The following PDE10A variants were observed in gnomAD, a reference collection of about 807,000 sequenced individuals.
The protein encoded by PDE10A is phosphodiesterase 10A.
PDE10A carries 39 observed loss-of-function variants against 97.7 expected under a neutral mutation model. The ratio of observed to expected loss-of-function variants is 0.40; its 90% CI spans 0.31 to 0.52. The LOEUF (loss-of-function observed/expected upper bound fraction) is 0.52. Ranked by LOEUF, PDE10A falls within the 20% of genes least tolerant of loss-of-function variation. The pLI, the probability that PDE10A is intolerant of heterozygous loss-of-function variation, is 0.56. For synonymous variants in PDE10A, 371 were observed against 376.8 expected, an observed-to-expected ratio of 0.98 and a Z score of 0.18; for missense variants, 731 against 1,047.8, an observed-to-expected ratio of 0.70 and a Z score of 4.17.
chr6:165,851,761 A>T (rs1460322688), intron 1 of PDE10A, among the ~76,000 whole-genome samples: 7 of 152,116 alleles, frequency 4.6e-5, no homozygotes, highest in Admixed American at 4.6e-4. Context: ...GATGTCCTGG[A>T]TGTATTCTGA....
intron 1 of PDE10A, among the ~76,000 whole-genome samples, chr6:165,570,283 C>T (rs543987182): frequency 2.6e-5 from 4 of 152,180 alleles, no homozygotes; most frequent in African/African-American, 9.6e-5. Context: ...AAATAATAAG[C>T]ATACAAAAAC....
chr6:165,968,494 G>A (rs1379904222), intron 1 of PDE10A, among the ~76,000 whole-genome samples: 3 of 152,060 alleles, frequency 2.0e-5, no homozygotes, highest in African/African-American at 7.2e-5. Flanking sequence ...TTTTCAACAC[G>A]CTAATTTTCT....
exon 1 of PDE10A, chr6:165,987,892 A>G (rs1030923705): frequency 1.3e-4 from 47 of 373,326 alleles, no homozygotes; most frequent in African/African-American, 1.0e-3. Context: ...CATGAAGACC[A>G]GTCCATCTCA....
intron 1 of PDE10A, among the ~76,000 whole-genome samples, chr6:165,798,563 A>G (rs937434920): frequency 6.6e-6 from 1 of 152,232 alleles, no homozygotes; most frequent in Non-Finnish European, 1.5e-5. Flanking sequence ...CGGTACCTAA[A>G]GGCAGGAGTA....
chr6:165,608,736 A>G (rs1195358351), intron 1 of PDE10A, among the ~76,000 whole-genome samples: 1 of 152,164 alleles, frequency 6.6e-6, no homozygotes, highest in Non-Finnish European at 1.5e-5. Context: ...CAACAGTGTA[A>G]AAGTGTTCCT....
At chr6:165,681,859 AT>A (rs1481907535) in intron 1 of PDE10A, among the ~76,000 whole-genome samples, 1 of 152,182 alleles carries the variant, frequency 6.6e-6, no homozygotes, top group Non-Finnish European at 1.5e-5. Flanking sequence ...GCTCACTGAG[AT>A]TCTAAGCCAA....
intron 1 of PDE10A, among the ~76,000 whole-genome samples, chr6:165,892,470 C>A (rs1183527387): frequency 1.3e-5 from 2 of 152,212 alleles, no homozygotes; most frequent in African/African-American, 4.8e-5. Flanking sequence ...GCCTGGCCAC[C>A]ATGTGTGAGC....
At chr6:165,854,392 C>A (rs73033995) in intron 1 of PDE10A, among the ~76,000 whole-genome samples, 1 of 152,056 alleles carries the variant, frequency 6.6e-6, no homozygotes, top group Admixed American at 6.5e-5. Context: ...GGAGAGAAAG[C>A]CAAGACCAGG....
intron 1 of PDE10A, among the ~76,000 whole-genome samples, chr6:165,826,123 A>G (rs140530681): frequency 6.6e-6 from 1 of 152,274 alleles, no homozygotes; most frequent in African/African-American, 2.4e-5. Context: ...CTTTTCTCCT[A>G]ACCTTGTCTG....
chr6:165,540,173 C>T (rs1317080582), intron 2 of PDE10A, among the ~76,000 whole-genome samples: 3 of 152,124 alleles, frequency 2.0e-5, no homozygotes, highest in African/African-American at 4.8e-5. Flanking sequence ...GATCTCATAG[C>T]GAGCGTCTCA....
intron 1 of PDE10A, among the ~76,000 whole-genome samples, chr6:165,676,525 G>T (rs1168510083): frequency 6.6e-6 from 1 of 152,134 alleles, no homozygotes; most frequent in Non-Finnish European, 1.5e-5. Context: ...TCATTGAGAA[G>T]CTGATGTGTG....
At position 165,343,421 on chromosome 6, in the gene PDE10A, T is replaced by G; in HGVS notation, c.2865A>C (p.Ala955=). The G allele has an allele frequency of 6.2e-7, 1 of 1,613,906 alleles. No individual in the cohort carries two copies. The highest frequency in any genetic ancestry group is 1.1e-5 in the South Asian group (1 of 91,080). The change falls in exon 19 of 22, where the codon GCA becomes GCC. Residue 955 remains alanine (A), a synonymous_variant. Coordinates refer to ENST00000539869, the MANE Select transcript of PDE10A (RefSeq NM_001385079.1). ...CCCAGAATTCTGCATATATATCATT[T>G]GCCGTCAATTTTGTAACGGGCCACA... ...TKLWPVTKLT[A]NDIYAEFWAE...
intron 1 of PDE10A, among the ~76,000 whole-genome samples, chr6:165,567,312 C>T (rs1784822843): frequency 6.6e-6 from 1 of 152,114 alleles, no homozygotes; most frequent in Admixed American, 6.6e-5. Context: ...ACAAGAGGGG[C>T]TTTCAGTATT....
chr6:165,642,296 T>G (rs1036639907), intron 1 of PDE10A, among the ~76,000 whole-genome samples: 2 of 152,140 alleles, frequency 1.3e-5, no homozygotes, highest in African/African-American at 2.4e-5. Context: ...TGCATATGTG[T>G]CTAGCATGAT....
At chr6:165,480,727 G>T (rs1477699936) in intron 3 of PDE10A, among the ~76,000 whole-genome samples, 1 of 152,182 alleles carries the variant, frequency 6.6e-6, no homozygotes, top group Non-Finnish European at 1.5e-5. Context: ...TAGAGCAGAA[G>T]CCCTCTGGCC....
intron 15 of PDE10A, 105 bp from the exon 16 acceptor site, chr6:165,392,901 G>T: frequency 1.0e-6 from 1 of 984,452 alleles, no homozygotes; most frequent in Non-Finnish European, 1.5e-6. Flanking sequence ...TTATACATTT[G>T]CAACTCTAAA....
intron 1 of PDE10A, among the ~76,000 whole-genome samples, chr6:165,881,639 G>A (rs1392540431): frequency 2.0e-5 from 3 of 149,282 alleles, no homozygotes; most frequent in Admixed American, 6.7e-5. Flanking sequence ...TCTTGACCTC[G>A]TGATCCGCCT....
intron 3 of PDE10A, among the ~76,000 whole-genome samples, chr6:165,467,945 C>T (rs1778755294): frequency 6.6e-6 from 1 of 152,220 alleles, no homozygotes; most frequent in African/African-American, 2.4e-5. Flanking sequence ...CCACCCCAAC[C>T]TTCAGCAACC....
intron 12 of PDE10A, among the ~76,000 whole-genome samples, 155 bp downstream of exon 12, chr6:165,416,034 A>T (rs1343070095): frequency 6.6e-6 from 1 of 152,238 alleles, no homozygotes. Flanking sequence ...ATCTGAATAT[A>T]CTGACTATTG....
Sources: gnomAD v4.1 joint callset for allele counts (sites outside exome capture counted in the v4.1 genomes callset) on GRCh38, gnomAD v4.1.1 for gene constraint, MANE v1.5 for transcripts, NCBI Gene and HGNC (gene_info 2026-07-23, HGNC 2026-07-21) for gene names.